IFT57: variants seen among roughly 807,000 people sequenced by gnomAD.
The protein encoded by IFT57 is intraflagellar transport protein 57 homolog.
Under a neutral mutation model 56.8 loss-of-function variants are expected in IFT57, and 59 were observed. The ratio of observed to expected loss-of-function variants is 1.04; its 90% CI spans 0.84 to 1.29. IFT57 has a LOEUF of 1.29. Among genes scored for constraint, IFT57 ranks in the 50% most tolerant of loss-of-function variants. IFT57 has a pLI of 0.00. For synonymous variants in IFT57, 209 were observed against 186.1 expected (o/e 1.12, Z -1.00); for missense variants, 470 against 522.1 (o/e 0.90, Z 0.97).
intron 4 of IFT57, among the ~76,000 whole-genome samples, chr3:108,211,295 G>A (rs182623679): frequency 1.1e-3 from 162 of 152,274 alleles, no homozygotes; most frequent in African/African-American, 3.4e-3. Flanking sequence ...TTATTAAGAC[G>A]ACAAGATGAG....
intron 6 of IFT57, among the ~76,000 whole-genome samples, chr3:108,184,950 T>C (rs2080173156): frequency 6.6e-6 from 1 of 152,124 alleles, no homozygotes; most frequent in Non-Finnish European, 1.5e-5. Flanking sequence ...TTCCAAGAAG[T>C]AGCGAAAAGT....
At chr3:108,166,689 G>C (rs2080065254) in intron 8 of IFT57, among the ~76,000 whole-genome samples, 165 bp downstream of exon 8, 1 of 151,976 alleles carries the variant, frequency 6.6e-6, no homozygotes, top group African/African-American at 2.4e-5. Flanking sequence ...ATGTGAAATG[G>C]AAATAAGTTC....
intron 6 of IFT57, among the ~76,000 whole-genome samples, chr3:108,181,809 A>C (rs1006935489): frequency 2.6e-5 from 4 of 152,064 alleles, no homozygotes; most frequent in African/African-American, 9.7e-5. Flanking sequence ...AGACCGACTT[A>C]TTGCCACCTG....
chr3:108,172,693 C>T (rs1332444462), intron 6 of IFT57, among the ~76,000 whole-genome samples: 3 of 151,704 alleles, frequency 2.0e-5, no homozygotes, highest in Admixed American at 6.6e-5. Flanking sequence ...AAGTGAAGTA[C>T]GCATATGGGG....
rs969075800 is a variant in IFT57, at chr3:108,161,577, T to C, written c.*900A>G. ...ACGCAGGCTGTCTCCTGCTTTGTGT[T>C]CCCCTGGCCAGTTTTCCCCAGTGCT... On this transcript the variant is annotated 3_prime_UTR_variant, in exon 11 of 11. Transcript: ENST00000264538. 5 of 152,074 alleles carry C rather than the reference T, an allele frequency of 3.3e-5. No individual in the cohort carries two copies. The highest frequency in any genetic ancestry group is 1.2e-4 in the African/African-American group (5 of 41,410). The allele number at this position is 152,074 out of a possible 1,614,324, so 9.4% of individuals were successfully genotyped here. A position where few individuals can be genotyped will look rare whatever the true frequency, so the allele number is the denominator to read the frequency against.
At chr3:108,210,332 CTTT>C (rs35896793) in intron 4 of IFT57, among the ~76,000 whole-genome samples, 13 of 107,976 alleles carry the variant, frequency 1.2e-4, no homozygotes, top group Non-Finnish European at 1.3e-4. Flanking sequence ...CAGAAATAAT[CTTT>C]TTTTTTTTTT....
intron 6 of IFT57, among the ~76,000 whole-genome samples, chr3:108,190,067 A>C (rs570155822): frequency 1.3e-5 from 2 of 152,288 alleles, no homozygotes; most frequent in South Asian, 4.1e-4. Context: ...GCAGAACAGC[A>C]GGCATACTGG....
At chr3:108,209,394 T>C (rs2080331135) in intron 4 of IFT57, among the ~76,000 whole-genome samples, 2 of 152,232 alleles carry the variant, frequency 1.3e-5, no homozygotes, top group South Asian at 4.1e-4. Flanking sequence ...TTCTATTAGA[T>C]GAAATTATAA....
chr3:108,203,462 C>T (rs2080291039), intron 5 of IFT57, among the ~76,000 whole-genome samples: 1 of 152,150 alleles, frequency 6.6e-6, no homozygotes, highest in Non-Finnish European at 1.5e-5. Flanking sequence ...AAAGAGCATG[C>T]TTCTCAAGGT....
At chr3:108,177,796 T>C (rs2108312605) in intron 6 of IFT57, among the ~76,000 whole-genome samples, 1 of 151,896 alleles carries the variant, frequency 6.6e-6, no homozygotes, top group East Asian at 1.9e-4. Context: ...TTCTCCCTGA[T>C]AACACCACTT....
chr3:108,215,709 G>T (rs1011242066), intron 3 of IFT57, among the ~76,000 whole-genome samples: 10 of 152,100 alleles, frequency 6.6e-5, no homozygotes, highest in African/African-American at 2.4e-4. Flanking sequence ...GATTCATTTT[G>T]ACATTTAGAT....
intron 6 of IFT57, among the ~76,000 whole-genome samples, chr3:108,188,766 G>A (rs2080198650): frequency 6.6e-6 from 1 of 152,180 alleles, no homozygotes; most frequent in Non-Finnish European, 1.5e-5. Flanking sequence ...ATACTGGTCT[G>A]TTATAGAATT....
intron 6 of IFT57, among the ~76,000 whole-genome samples, chr3:108,172,367 G>C (rs975038829): frequency 6.6e-6 from 1 of 151,854 alleles, no homozygotes; most frequent in African/African-American, 2.4e-5. Context: ...GCTGGAGAGA[G>C]AGGTTCAATT....
At chr3:108,219,116 A>AT (rs11422352) in intron 2 of IFT57, among the ~76,000 whole-genome samples, 117,164 of 150,924 alleles carry the variant, frequency 0.78, 46,434 homozygotes, top group Non-Finnish European at 0.86. Flanking sequence ...GCTTTGTAGG[A>AT]TTTTTTTTTA....
At chr3:108,218,338 C>T (rs1206164037) in intron 3 of IFT57, 197 bp downstream of exon 3, 1 of 377,326 alleles carries the variant, frequency 2.7e-6, no homozygotes, top group Non-Finnish European at 4.8e-6. Flanking sequence ...ATATGTAACA[C>T]ATTACTTCAG....
intron 8 of IFT57, 125 bp from the exon 9 acceptor site, chr3:108,165,618 T>C (rs894175139): frequency 6.8e-6 from 5 of 732,140 alleles, no homozygotes; most frequent in Middle Eastern, 2.3e-4. Context: ...TGTTTGTGAA[T>C]ACATTTGTGA....
At chr3:108,164,636 T>C (rs2080050761) in intron 9 of IFT57, among the ~76,000 whole-genome samples, 1 of 152,116 alleles carries the variant, frequency 6.6e-6, no homozygotes, top group South Asian at 2.1e-4. Context: ...AAGTGAACAC[T>C]TTACTTCTAC....
intron 4 of IFT57, among the ~76,000 whole-genome samples, chr3:108,212,669 A>C (rs1409193689): frequency 6.6e-6 from 1 of 152,224 alleles, no homozygotes; most frequent in Non-Finnish European, 1.5e-5. Context: ...ATAATACTCT[A>C]TTCAGATAGC....
intron 6 of IFT57, among the ~76,000 whole-genome samples, chr3:108,186,339 T>TAA (rs2080182013): frequency 1.7e-5 from 2 of 118,982 alleles, no homozygotes; most frequent in Non-Finnish European, 3.5e-5. Context: ...AAAAAAAATG[T>TAA]TGGTGGGGAT....
Sources: gnomAD v4.1 joint callset for allele counts (sites outside exome capture counted in the v4.1 genomes callset) on GRCh38, gnomAD v4.1.1 for gene constraint, MANE v1.5 for transcripts, NCBI Gene and HGNC (gene_info 2026-07-23, HGNC 2026-07-21) for gene names.